LMBRD1: variants seen among roughly 807,000 people sequenced by gnomAD.
The protein encoded by LMBRD1 is lysosomal cobalamin transport escort protein LMBD1.
LMBRD1 carries 64 observed loss-of-function variants against 74.8 expected under a neutral mutation model. The observed-to-expected ratio is 0.86, with a 90% CI of 0.70 to 1.05. The LOEUF (loss-of-function observed/expected upper bound fraction) is 1.05, where lower values mean the gene tolerates loss of function less well. LMBRD1 is among the 50% of genes least tolerant of loss of function. The pLI is 0.00. For missense variants in LMBRD1, 652 were observed against 645.9 expected (o/e 1.01, Z -0.10); for synonymous variants, 204 against 216.3 (o/e 0.94, Z 0.50).
Position 69,762,927 on chromosome 6 carries a change from AC to A in LMBRD1, c.308-10572del, listed in dbSNP as rs1317232143. 4.6e-5 allele frequency among the ~76,000 whole-genome samples: 7 copies of A among 152,200 alleles called. No homozygotes were observed. The South Asian group carries it at 1.2e-3, about 27-fold the overall frequency. ...GAAATAAATGTTTATTGATTAGGTCACCCAGTATGTGGTATTTTGTTAGAGA... is the reference window on the plus strand; with the variant it reads ...GAAATAAATGTTTATTGATTAGGTCACCAGTATGTGGTATTTTGTTAGAGA... On this transcript the variant is annotated intron_variant, in intron 3 of 15. Transcript: ENST00000649934.
intron 8 of LMBRD1, among the ~76,000 whole-genome samples, chr6:69,715,484 A>C (rs1355684086): frequency 6.6e-6 from 1 of 152,132 alleles, no homozygotes; most frequent in Non-Finnish European, 1.5e-5. Context: ...CTCAGCAGTG[A>C]ACATCTACCT....
At chr6:69,701,292 T>TA in intron 11 of LMBRD1, 151 bp downstream of exon 11, 1 of 570,230 alleles carries the variant, frequency 1.8e-6, no homozygotes, top group Non-Finnish European at 3.1e-6. Context: ...AAATAAAAAG[T>TA]AAAACTAGAA....
At chr6:69,746,864 C>A in intron 5 of LMBRD1, 2 of 154,142 alleles carry the variant, frequency 1.3e-5, no homozygotes, top group South Asian at 3.8e-4. Context: ...GCCCCTGGAT[C>A]ACCAGCCCCA....
intron 3 of LMBRD1, among the ~76,000 whole-genome samples, chr6:69,759,118 G>A (rs1765324682): frequency 6.6e-6 from 1 of 152,098 alleles, no homozygotes; most frequent in Admixed American, 6.6e-5. Flanking sequence ...AGAAGCAAAA[G>A]TTTTGTGAGT....
chr6:69,735,097 C>G (rs931345586), intron 7 of LMBRD1, among the ~76,000 whole-genome samples: 1 of 152,146 alleles, frequency 6.6e-6, no homozygotes, highest in Admixed American at 6.5e-5. Context: ...TTTTATTTTA[C>G]AATAATTTGC....
At chr6:69,730,350 G>A (rs1180152128) in intron 7 of LMBRD1, among the ~76,000 whole-genome samples, 1 of 152,002 alleles carries the variant, frequency 6.6e-6, no homozygotes, top group Non-Finnish European at 1.5e-5. Flanking sequence ...CTTAATAAAT[G>A]TCTTCCACAT....
intron 6 of LMBRD1, among the ~76,000 whole-genome samples, chr6:69,738,494 T>G (rs942286832): frequency 1.3e-5 from 2 of 152,086 alleles, no homozygotes; most frequent in Non-Finnish European, 2.9e-5. Flanking sequence ...AATCAAAAAC[T>G]AAAATCTTAA....
rs1419341027 is a variant in LMBRD1 at position 69,788,249 on chromosome 6, T to TA, written c.246+2046dup. Among the ~76,000 whole-genome samples the TA allele has an allele frequency of 3.3e-5, 5 of 152,020 alleles. No homozygotes were observed. The East Asian group carries it at 7.7e-4, about 23-fold the overall frequency. ...AAATCAAACATGCTCAATTCTAAAC[T>TA]AAAAAAATCTCCGATTCAAACAATA... On this transcript the variant is annotated intron_variant, in intron 2 of 15. Coordinates refer to ENST00000649934, the MANE Select transcript of LMBRD1 (RefSeq NM_018368.4).
intron 8 of LMBRD1, among the ~76,000 whole-genome samples, chr6:69,718,458 G>A (rs1214175305): frequency 6.6e-6 from 1 of 152,110 alleles, no homozygotes; most frequent in East Asian, 1.9e-4. Context: ...TTTTGTAAGG[G>A]TACTGTATTA....
chr6:69,682,700 AC>A (rs1295214462), intron 14 of LMBRD1, among the ~76,000 whole-genome samples: 1 of 152,018 alleles, frequency 6.6e-6, no homozygotes, highest in Non-Finnish European at 1.5e-5. Context: ...TATTACTTTA[AC>A]TTTTGATAAA....
At chr6:69,695,364 T>C (rs1377074519) in intron 14 of LMBRD1, among the ~76,000 whole-genome samples, 1 of 152,110 alleles carries the variant, frequency 6.6e-6, no homozygotes, top group Non-Finnish European at 1.5e-5. Context: ...CCTTATCAGC[T>C]TGCCCTTAAA....
intron 9 of LMBRD1, among the ~76,000 whole-genome samples, chr6:69,702,234 TTATTC>T (rs1361045887): frequency 6.6e-6 from 1 of 151,750 alleles, no homozygotes; most frequent in African/African-American, 2.4e-5. Flanking sequence ...TACAAAGTCT[TTATTC>T]TATTACACTG....
At position 69,747,114 on chromosome 6, in the gene LMBRD1, G is replaced by T. The variant is rs182781259; in HGVS notation, c.473+2227C>A. 2.1e-3 allele frequency among the ~76,000 whole-genome samples: 324 copies of T among 151,700 alleles called. 1 individual carries two copies. The highest frequency in any genetic ancestry group is 7.4e-3 in the African/African-American group (306 of 41,356). ...TTGAAGCCCTAACCCCCAATGTAAT[G>T]GTATTTGGATATACGTCATTTAGCA... On this transcript the variant is annotated intron_variant, in intron 5 of 15. Transcript: ENST00000649934.
rs915957566 is a variant in LMBRD1 at position 69,705,343 on chromosome 6, G to T, written c.916-3390C>A. On this transcript the variant is annotated intron_variant, in intron 9 of 15. Coordinates refer to ENST00000649934, the MANE Select transcript of LMBRD1 (RefSeq NM_018368.4). ...TGAATAGCCTCCTGGTCAGTCATCC[G>T]GAAGCAATTCTTCATATAATTGATG... 9.0e-6 allele frequency: 7 copies of T among 781,062 alleles called. No individual in the cohort carries two copies. In the South Asian group the frequency reaches 9.3e-5, roughly 10 times the overall value. 48.4% of individuals were successfully genotyped at this position (781,062 alleles called of 1,614,324 possible).
chr6:69,737,251 A>C (rs1377965305), intron 7 of LMBRD1, among the ~76,000 whole-genome samples: 1 of 152,142 alleles, frequency 6.6e-6, no homozygotes, highest in Non-Finnish European at 1.5e-5. Flanking sequence ...AATGCTGCTT[A>C]TACAACTCTC....
In LMBRD1 at chr6:69,741,787, A is replaced by G; in HGVS notation, c.562+2T>C. 1 of 1,541,996 alleles carries G rather than the reference A, an allele frequency of 6.5e-7. No homozygotes were observed. The highest frequency in any genetic ancestry group is 9.0e-7 in the Non-Finnish European group (1 of 1,114,858). On this transcript the variant is annotated splice_donor_variant, in intron 6 of 15. Transcript: ENST00000649934. LOFTEE classifies it high-confidence loss of function. ...ATGTTTTTTAAAAAAAACAATACTT[A>G]CGACTACTTCCAAGTTCTTCAAATA...
chr6:69,773,709 C>T (rs1582148151), intron 3 of LMBRD1, among the ~76,000 whole-genome samples: 1 of 152,262 alleles, frequency 6.6e-6, no homozygotes, highest in East Asian at 1.9e-4. Context: ...TTTCTATGAA[C>T]ATCCATACAA....
intron 3 of LMBRD1, among the ~76,000 whole-genome samples, chr6:69,779,199 A>C (rs1284168432): frequency 6.6e-6 from 1 of 151,796 alleles, no homozygotes; most frequent in Non-Finnish European, 1.5e-5. Context: ...AAAAAAAAAA[A>C]AACAATTCAA....
intron 1 of LMBRD1, among the ~76,000 whole-genome samples, chr6:69,795,478 C>G (rs748822850): frequency 1.3e-5 from 2 of 152,252 alleles, no homozygotes; most frequent in African/African-American, 2.4e-5. Context: ...CATCCTCTTA[C>G]AATTCACACC....
Sources: allele counts gnomAD v4.1 joint callset (sites outside exome capture counted in the v4.1 genomes callset), GRCh38; gene constraint gnomAD v4.1.1; transcripts MANE v1.5; gene names NCBI Gene and HGNC (gene_info 2026-07-23, HGNC 2026-07-21).